The following SOX6 variants were observed in gnomAD, a reference collection of about 807,000 sequenced individuals.
The protein encoded by SOX6 is transcription factor SOX-6.
A neutral mutation model predicts 97.8 loss-of-function variants in SOX6; 11 were observed. The ratio of observed to expected loss-of-function variants is 0.11; its 90% CI spans 0.07 to 0.19. The LOEUF (loss-of-function observed/expected upper bound fraction) is 0.19, where lower values mean the gene tolerates loss of function less well. Ranked by LOEUF, SOX6 falls within the 10% of genes least tolerant of loss-of-function variation. The pLI is 1.00. For synonymous variants in SOX6, 360 were observed against 371.4 expected, an observed-to-expected ratio of 0.97 and a Z score of 0.35; for missense variants, 810 against 1,039.5, an observed-to-expected ratio of 0.78 and a Z score of 3.04.
rs1854150930 is a variant in SOX6 at position 16,268,559 on chromosome 11, AAT to A, written c.446-33890_446-33889del. 3.3e-5 allele frequency among the ~76,000 whole-genome samples: 5 copies of A among 151,304 alleles called. No homozygotes were observed. The South Asian group carries it at 1.0e-3, about 31-fold the overall frequency. ...TATGCACCTAGTAACAGAGCTTCAA[AAT>A]ATACGTATCACAAACTGATATAACT... is the stretch of plus-strand genomic sequence containing the variant. On this transcript the variant is annotated intron_variant, in intron 3 of 15. Transcript: ENST00000683767.
chr11:16,233,028 T>C (rs958564252), intron 4 of SOX6, among the ~76,000 whole-genome samples: 2 of 152,206 alleles, frequency 1.3e-5, no homozygotes, highest in African/African-American at 4.8e-5. Flanking sequence ...GGAAAAAAGA[T>C]GACTTCCTTT....
chr11:16,223,034 C>T (rs559375786), intron 4 of SOX6, among the ~76,000 whole-genome samples: 1 of 152,220 alleles, frequency 6.6e-6, no homozygotes, highest in East Asian at 1.9e-4. Flanking sequence ...TCCTACTGCA[C>T]AGTCAACGTC....
At chr11:16,584,380 C>A (rs904864867) in intron 4 of SOX6, among the ~76,000 whole-genome samples, 6 of 152,164 alleles carry the variant, frequency 3.9e-5, no homozygotes, top group Non-Finnish European at 7.4e-5. Context: ...AGGCTTGTAA[C>A]AACTACCAAA....
chr11:16,666,414 A>G (rs1338284876), intron 3 of SOX6, among the ~76,000 whole-genome samples: 1 of 152,228 alleles, frequency 6.6e-6, no homozygotes, highest in African/African-American at 2.4e-5. Flanking sequence ...GGAGTTGAAA[A>G]ATGCAAATGA....
Position 16,021,305 on chromosome 11 carries a change from T to C in SOX6, c.1624-6255A>G, listed in dbSNP as rs146245971. Among the ~76,000 whole-genome samples the C allele has an allele frequency of 7.2e-4, 110 of 152,314 alleles. 2 individuals are homozygous for C. The East Asian group carries it at 0.011, about 16-fold the overall frequency. ...GAGATATTCTGTCTCTTACTCTGAA[T>C]GACTTTCTTTAATTCCTTGTTCTAG... On this transcript the variant is annotated intron_variant, in intron 12 of 15. Coordinates refer to ENST00000683767, the MANE Select transcript of SOX6 (RefSeq NM_001367873.1).
At chr11:16,219,782 T>C (rs1302231473) in intron 4 of SOX6, among the ~76,000 whole-genome samples, 1 of 151,984 alleles carries the variant, frequency 6.6e-6, no homozygotes, top group Non-Finnish European at 1.5e-5. Flanking sequence ...CAGTTCCTAA[T>C]GCGACATAGC....
chr11:16,089,722 ACCAT>A (rs945446660), intron 9 of SOX6, among the ~76,000 whole-genome samples: 1 of 152,090 alleles, frequency 6.6e-6, no homozygotes, highest in Non-Finnish European at 1.5e-5. Context: ...GTGAGGAGAA[ACCAT>A]CCAACTGTAG....
At chr11:16,622,535 C>G (rs942272371) in intron 3 of SOX6, among the ~76,000 whole-genome samples, 1 of 152,200 alleles carries the variant, frequency 6.6e-6, no homozygotes, top group Non-Finnish European at 1.5e-5. Context: ...TTTTCCATTC[C>G]TGAGTTACTC....
chr11:16,613,351 TC>T lies in SOX6; in HGVS notation n.430-1092del, dbSNP rs1338311934. ...ACAAACACGGCGGGGGCTTTATTTT[TC>T]AGGTCTCTCCACTCATAAATTATGG... On this transcript the variant is annotated intron_variant and non_coding_transcript_variant, in intron 3 of 5. Transcript: ENST00000524520. The surrounding 1 kb of genome is among the most constrained non-coding windows in gnomAD (Gnocchi z 4.6). 1 of 152,176 alleles carries T rather than the reference TC, an allele frequency of 6.6e-6. No homozygotes were observed. Among genetic ancestry groups the T allele is most frequent in the Non-Finnish European group, 1.5e-5 (1 of 68,080 alleles). The allele number at this position is 152,176 out of a possible 1,614,324, so 9.4% of individuals were successfully genotyped here.
intron 2 of SOX6, among the ~76,000 whole-genome samples, chr11:16,717,242 A>G (rs1280193534): frequency 6.6e-6 from 1 of 152,140 alleles, no homozygotes; most frequent in Non-Finnish European, 1.5e-5. Context: ...GATGGAAGAA[A>G]CTTAGAATAA....
intron 13 of SOX6, among the ~76,000 whole-genome samples, chr11:15,999,017 A>G (rs1208583180): frequency 1.3e-5 from 2 of 152,164 alleles, no homozygotes; most frequent in Non-Finnish European, 1.5e-5. Flanking sequence ...TGGAACACAC[A>G]TATCTGATAA....
At chr11:16,194,382 T>C (rs921680269) in intron 4 of SOX6, among the ~76,000 whole-genome samples, 8 of 152,198 alleles carry the variant, frequency 5.3e-5, no homozygotes, top group Non-Finnish European at 7.3e-5. Flanking sequence ...CAGTCAGCTA[T>C]TGTCATTGCT....
intron 13 of SOX6, among the ~76,000 whole-genome samples, chr11:16,003,718 A>C (rs1387466983): frequency 1.3e-5 from 2 of 152,114 alleles, no homozygotes; most frequent in African/African-American, 2.4e-5. Context: ...TTCTGAAATC[A>C]GATCTTGTAG....
At chr11:16,017,444 G>C (rs926358445) in intron 12 of SOX6, among the ~76,000 whole-genome samples, 1 of 152,014 alleles carries the variant, frequency 6.6e-6, no homozygotes, top group Admixed American at 6.6e-5. Flanking sequence ...AAGCACTTGT[G>C]TTTGAGATTA....
At chr11:16,123,650 CCT>C (rs1849544515) in intron 6 of SOX6, among the ~76,000 whole-genome samples, 1 of 151,848 alleles carries the variant, frequency 6.6e-6, no homozygotes. Flanking sequence ...ACCTGCAACC[CCT>C]GACCTCCACT....
rs1427855344 is a variant in SOX6 at position 15,969,083 on chromosome 11, T to C, written c.*3726A>G. 1.3e-5 allele frequency: 2 copies of C among 150,952 alleles called. No individual in the cohort carries two copies. The highest frequency in any genetic ancestry group is 3.0e-5 in the Non-Finnish European group (2 of 67,764). The allele number at this position is 150,952 out of a possible 1,614,324, so 9.4% of individuals were successfully genotyped here. Reference sequence around the variant, plus strand: ...CCATTCCATATGGCTATTTTTTTTTTTTTTTTTTTTTGGGAGAGGATTGCC... The same window carrying C: ...CCATTCCATATGGCTATTTTTTTTTCTTTTTTTTTTTGGGAGAGGATTGCC... On this transcript the variant is annotated 3_prime_UTR_variant, in exon 16 of 16. Transcript: ENST00000683767.
At chr11:16,063,530 A>T (rs1590170246) in intron 9 of SOX6, among the ~76,000 whole-genome samples, 1 of 83,274 alleles carries the variant, frequency 1.2e-5, no homozygotes, top group African/African-American at 5.6e-5. Flanking sequence ...ATATATATAT[A>T]TATATATATA....
intron 6 of SOX6, among the ~76,000 whole-genome samples, chr11:16,129,036 T>C (rs979842875): frequency 6.7e-6 from 1 of 150,070 alleles, no homozygotes; most frequent in African/African-American, 2.4e-5. Context: ...TTTTTTTTTT[T>C]TTTTTTTTTT....
chr11:16,492,599 A>C (rs1860529412), intron 4 of SOX6, among the ~76,000 whole-genome samples: 1 of 152,308 alleles, frequency 6.6e-6, no homozygotes, highest in South Asian at 2.1e-4. Context: ...GACCTTAATA[A>C]GAAGGAGGCT....
Sources: gnomAD v4.1 joint callset for allele counts (sites outside exome capture counted in the v4.1 genomes callset) on GRCh38, gnomAD v4.1.1 for gene constraint, Gnocchi (gnomAD v3.1) non-coding constraint, MANE v1.5 for transcripts, NCBI Gene and HGNC (gene_info 2026-07-23, HGNC 2026-07-21) for gene names.